Variants in USP45 observed in about 807,000 individuals in gnomAD.
USP45 encodes the protein ubiquitin carboxyl-terminal hydrolase 45.
USP45 carries 89 observed loss-of-function variants against 95.8 expected under a neutral mutation model. The ratio of observed to expected loss-of-function variants is 0.93; its 90% CI spans 0.78 to 1.11. The LOEUF (loss-of-function observed/expected upper bound fraction) is 1.11, where lower values mean the gene tolerates loss of function less well. Among genes scored for constraint, USP45 ranks in the 50% least tolerant of loss-of-function variants. The probability of loss-of-function intolerance (pLI) is 0.00; values close to 1 mark genes in which losing one functional copy is unlikely to be tolerated. For missense variants in USP45, 898 were observed against 942.5 expected, an observed-to-expected ratio of 0.95 and a Z score of 0.62; for synonymous variants, 281 against 316.2, an observed-to-expected ratio of 0.89 and a Z score of 1.18.
chr6:99,435,644 G>T lies in USP45; in HGVS notation c.*72C>A, dbSNP rs889798002. Reference sequence around the variant, plus strand: ...CTACAGAAGAGGGAAGACTAGAAAGGCACATTATATATTATAGTTATCACT... The same window carrying T: ...CTACAGAAGAGGGAAGACTAGAAAGTCACATTATATATTATAGTTATCACT... On this transcript the variant is annotated 3_prime_UTR_variant, in exon 18 of 18. Transcript: ENST00000500704. 5.2e-6 allele frequency: 7 copies of T among 1,345,080 alleles called. No homozygotes were observed. The Admixed American group carries it at 1.5e-4, about 29-fold the overall frequency. 83.3% of individuals were successfully genotyped at this position (1,345,080 alleles called of 1,614,324 possible). A position where few individuals can be genotyped will look rare whatever the true frequency, so the allele number is the denominator to read the frequency against.
chr6:99,461,572 T>C, intron 13 of USP45: 1 of 985,430 alleles, frequency 1.0e-6, no homozygotes, highest in Non-Finnish European at 1.2e-6. Flanking sequence ...TACTCAGAGA[T>C]AACATCTTCC....
Position 99,432,749 on chromosome 6 carries a change from TAAA to T in USP45, c.*2964_*2966del, listed in dbSNP as rs772706251. The T allele has an allele frequency of 2.6e-4, 39 of 152,700 alleles. No individual in the cohort carries two copies. The highest frequency in any genetic ancestry group is 5.1e-4 in the Non-Finnish European group (35 of 68,006). The allele number at this position is 152,700 out of a possible 1,614,324, so 9.5% of individuals were successfully genotyped here. Reference sequence around the variant, plus strand: ...TATTTGATCAATACATGCAGAAAAATAAATTACAAACGTGAATTTTTAAAAGGA... The same window carrying T: ...TATTTGATCAATACATGCAGAAAAATTTACAAACGTGAATTTTTAAAAGGA... On this transcript the variant is annotated 3_prime_UTR_variant, in exon 18 of 18. Transcript: ENST00000500704.
intron 7 of USP45, among the ~76,000 whole-genome samples, chr6:99,483,844 CAA>C (rs71276584): frequency 1.2e-5 from 1 of 86,584 alleles, no homozygotes. Context: ...GACTCCGTCT[CAA>C]AAAAAAAAAA....
At chr6:99,454,717 G>A (rs1784624936) in intron 13 of USP45, among the ~76,000 whole-genome samples, 1 of 152,144 alleles carries the variant, frequency 6.6e-6, no homozygotes, top group Non-Finnish European at 1.5e-5. Flanking sequence ...CAAATAATAA[G>A]ATGCCTTCAA....
At chr6:99,477,697 C>T (rs535303112) in intron 8 of USP45, among the ~76,000 whole-genome samples, 11 of 152,148 alleles carry the variant, frequency 7.2e-5, no homozygotes, top group Non-Finnish European at 1.2e-4. Context: ...TCCCTGACTG[C>T]TAAAACATTA....
chr6:99,452,661 G>A (rs1248576922), intron 13 of USP45, among the ~76,000 whole-genome samples: 1 of 152,176 alleles, frequency 6.6e-6, no homozygotes, highest in Non-Finnish European at 1.5e-5. Context: ...ATTTAACCCA[G>A]CCATCCCATT....
At chr6:99,436,039 A>G (rs1430723286) in intron 17 of USP45, among the ~76,000 whole-genome samples, 193 bp from the exon 18 acceptor site, 1 of 151,828 alleles carries the variant, frequency 6.6e-6, no homozygotes, top group African/African-American at 2.4e-5. Flanking sequence ...AAGTTCTGGA[A>G]TATCTGTGTA....
At chr6:99,469,486 ATTTT>A (rs60670572) in intron 9 of USP45, among the ~76,000 whole-genome samples, 1,387 of 136,772 alleles carry the variant, frequency 0.01, 36 homozygotes, top group African/African-American at 0.035. Flanking sequence ...ATATATATAT[ATTTT>A]TTTTTTTTTT....
chr6:99,513,529 A>T (rs953514558), intron 1 of USP45, among the ~76,000 whole-genome samples: 6 of 152,242 alleles, frequency 3.9e-5, no homozygotes, highest in African/African-American at 1.4e-4. Flanking sequence ...AAAATGGCCT[A>T]TGAGAAACTG....
chr6:99,469,458 TTA>T (rs1788785409), intron 9 of USP45, among the ~76,000 whole-genome samples: 1 of 138,760 alleles, frequency 7.2e-6, no homozygotes, highest in Non-Finnish European at 1.5e-5. Flanking sequence ...ATATATATAA[TTA>T]ATATATATAT....
intron 13 of USP45, among the ~76,000 whole-genome samples, chr6:99,448,622 A>C (rs1424280061): frequency 3.3e-5 from 5 of 152,226 alleles, no homozygotes; most frequent in Non-Finnish European, 7.3e-5. Flanking sequence ...ATCCAGGAGA[A>C]CTTCCCCAAC....
chr6:99,506,491 T>C (rs572716375), intron 4 of USP45, among the ~76,000 whole-genome samples: 5 of 152,272 alleles, frequency 3.3e-5, no homozygotes, highest in Non-Finnish European at 7.4e-5. Flanking sequence ...GTATCTTTCG[T>C]AGAGACGGGG....
intron 17 of USP45, 34 bp from the exon 18 acceptor site, chr6:99,435,880 A>G: frequency 6.3e-7 from 1 of 1,593,648 alleles, no homozygotes; most frequent in Non-Finnish European, 8.5e-7. Context: ...ATTTTAAAGT[A>G]AGTATGCTTT....
intron 13 of USP45, among the ~76,000 whole-genome samples, chr6:99,458,355 T>C (rs1469977703): frequency 1.3e-5 from 2 of 152,172 alleles, no homozygotes; most frequent in Admixed American, 6.6e-5. Context: ...ATCATGAGAA[T>C]GAGCTCAGTG....
Position 99,437,372 on chromosome 6 carries a change from A to G in USP45, c.2188T>C (p.Tyr730His). The change falls in exon 17 of 18, where the codon TAC (tyrosine) becomes CAC (histidine). Residue 730 changes from tyrosine to histidine, a missense_variant. Coordinates refer to ENST00000500704, the MANE Select transcript of USP45 (RefSeq NM_001346022.3). ...TGTTCCACTATGCCATAGAGACCGT[A>G]GAGAACTTTATCTCCCACACTTGCA... The part of the protein sequence containing the change: ...KNASVGDKVL[Y>H]GLYGIVEHSG... 1 of 1,604,858 alleles carries G rather than the reference A, an allele frequency of 6.2e-7. No individual in the cohort carries two copies. The highest frequency in any genetic ancestry group is 8.5e-7 in the Non-Finnish European group (1 of 1,177,636).
intron 13 of USP45, among the ~76,000 whole-genome samples, chr6:99,448,479 G>A (rs1370844414): frequency 6.6e-6 from 1 of 152,130 alleles, no homozygotes; most frequent in Admixed American, 6.5e-5. Flanking sequence ...AGCAAGAAGA[G>A]AAGTTTAGAG....
intron 9 of USP45, among the ~76,000 whole-genome samples, chr6:99,470,977 T>C (rs1789258014): frequency 6.6e-6 from 1 of 152,280 alleles, no homozygotes; most frequent in South Asian, 2.1e-4. Context: ...AACTTTGCTA[T>C]ATATCCTGAA....
intron 13 of USP45, among the ~76,000 whole-genome samples, chr6:99,458,972 CA>C (rs1457148236): frequency 2.0e-5 from 3 of 152,094 alleles, no homozygotes. Flanking sequence ...TTGTTTTGAA[CA>C]GCAATGAGAT....
chr6:99,484,206 G>A (rs1159228241), intron 7 of USP45, among the ~76,000 whole-genome samples: 1 of 149,992 alleles, frequency 6.7e-6, no homozygotes, highest in African/African-American at 2.5e-5. Flanking sequence ...GTCTCACTCT[G>A]TCACCCAGGC....
Sources: allele counts gnomAD v4.1 joint callset (sites outside exome capture counted in the v4.1 genomes callset), GRCh38; gene constraint gnomAD v4.1.1; transcripts MANE v1.5; gene names NCBI Gene and HGNC (gene_info 2026-07-23, HGNC 2026-07-21).